Variants in KHDRBS2 observed in about 807,000 individuals in gnomAD.
KHDRBS2 encodes the protein KH RNA binding domain containing, signal transduction associated 2.
In KHDRBS2, 26 loss-of-function variants were observed where a neutral mutation model predicts 44.3. The ratio of observed to expected loss-of-function variants is 0.59; its 90% CI spans 0.43 to 0.81. The LOEUF is 0.81. Among genes scored for constraint, KHDRBS2 ranks in the 40% least tolerant of loss-of-function variants. The pLI, the probability that KHDRBS2 is intolerant of heterozygous loss-of-function variation, is 0.00. For synonymous variants in KHDRBS2, 194 were observed against 151.1 expected (o/e 1.28, Z -2.08); for missense variants, 476 against 433.1 (o/e 1.10, Z -0.88).
chr6:61,694,203 G>T (rs908945837), intron 8 of KHDRBS2, among the ~76,000 whole-genome samples: 2 of 152,118 alleles, frequency 1.3e-5, no homozygotes, highest in Non-Finnish European at 2.9e-5. Flanking sequence ...TAAGCTTCAA[G>T]AGATTGTTCA....
At chr6:61,732,527 C>G (rs964218795) in intron 7 of KHDRBS2, among the ~76,000 whole-genome samples, 155 bp downstream of exon 7, 2 of 152,124 alleles carry the variant, frequency 1.3e-5, no homozygotes, top group African/African-American at 4.8e-5. Flanking sequence ...TAGTTTAACT[C>G]TCACAGTCTG....
intron 5 of KHDRBS2, among the ~76,000 whole-genome samples, chr6:61,895,683 G>A (rs537928103): frequency 6.6e-6 from 1 of 152,140 alleles, no homozygotes; most frequent in African/African-American, 2.4e-5. Context: ...TGAAGTCTTT[G>A]GGCAAAAGAA....
At chr6:62,205,868 C>T (rs971555145) in intron 1 of KHDRBS2, among the ~76,000 whole-genome samples, 26 of 151,976 alleles carry the variant, frequency 1.7e-4, no homozygotes, top group African/African-American at 5.5e-4. Flanking sequence ...GAAATGAAAG[C>T]GAAAGAGCAG....
intron 3 of KHDRBS2, among the ~76,000 whole-genome samples, chr6:62,042,361 C>A (rs967577179): frequency 8.5e-5 from 13 of 152,100 alleles, no homozygotes; most frequent in Non-Finnish European, 1.6e-4. Context: ...GTTAGGCATT[C>A]TTTCCTTCAG....
chr6:62,195,010 T>G (rs1478812178), intron 1 of KHDRBS2, among the ~76,000 whole-genome samples: 6 of 152,108 alleles, frequency 3.9e-5, no homozygotes, highest in Non-Finnish European at 8.8e-5. Context: ...AATCTGTAGA[T>G]CAGTAAGGGA....
chr6:61,819,190 T>G (rs1789479225), intron 6 of KHDRBS2, among the ~76,000 whole-genome samples: 1 of 151,984 alleles, frequency 6.6e-6, no homozygotes, highest in Non-Finnish European at 1.5e-5. Context: ...TATAAAATGA[T>G]TTCATTCATA....
rs181062159 is a variant in KHDRBS2, at chr6:62,113,510, C to T, written c.219+63675G>A. ...ATATTGCTTTGTTTTGATCTAAACT[C>T]CCTGAGAGAAACATGGCAAGTGATG... is the stretch of plus-strand genomic sequence containing the variant. On this transcript the variant is annotated intron_variant, in intron 2 of 8. Coordinates refer to ENST00000281156, the MANE Select transcript of KHDRBS2 (RefSeq NM_152688.4). 2.5e-4 allele frequency among the ~76,000 whole-genome samples: 38 copies of T among 152,110 alleles called. No homozygotes were observed. The East Asian group carries it at 7.3e-3, about 29-fold the overall frequency.
In KHDRBS2 at chr6:61,940,060, T is replaced by G. The variant is rs928117768; in HGVS notation, c.483+38006A>C. On this transcript the variant is annotated intron_variant, in intron 4 of 8. Coordinates refer to ENST00000281156, the MANE Select transcript of KHDRBS2 (RefSeq NM_152688.4). Reference sequence around the variant, plus strand: ...CATAAGAATTCATTATTGGGAAAACTCCATTCACATATTCAAATGTATAAG... The same window carrying G: ...CATAAGAATTCATTATTGGGAAAACGCCATTCACATATTCAAATGTATAAG... Among the ~76,000 whole-genome samples the G allele has an allele frequency of 5.3e-5, 8 of 152,094 alleles. No homozygotes were observed. The East Asian group carries it at 9.6e-4, about 18-fold the overall frequency.
rs190774315 is a variant in KHDRBS2, at chr6:62,152,019, G to A, written c.219+25166C>T. 3.0e-3 allele frequency among the ~76,000 whole-genome samples: 456 copies of A among 152,116 alleles called. 1 individual carries two copies. The highest frequency in any genetic ancestry group is 4.7e-3 in the Non-Finnish European group (321 of 67,990). On this transcript the variant is annotated intron_variant, in intron 2 of 8. Transcript: ENST00000281156. ...ACCTTAGTGTTTTCATCTGCTATAC[G>A]GAAATAATAGTGCTTACTGGCTGGG... is the stretch of plus-strand genomic sequence containing the variant.
chr6:62,240,274 A>G (rs1281443709), intron 1 of KHDRBS2, among the ~76,000 whole-genome samples: 1 of 151,978 alleles, frequency 6.6e-6, no homozygotes, highest in Non-Finnish European at 1.5e-5. Context: ...TATCCCCATC[A>G]CTGTGGGTGT....
chr6:61,602,166 T>C, the KHDRBS2 span, among the ~76,000 whole-genome samples: 122,167 of 152,040 alleles, frequency 0.8, 49,528 homozygotes, highest in African/African-American at 0.9. Flanking sequence ...GGCCCTCAAA[T>C]CCCACAACAG....
chr6:61,695,075 T>C (rs541863762), intron 8 of KHDRBS2, among the ~76,000 whole-genome samples: 1 of 152,238 alleles, frequency 6.6e-6, no homozygotes, highest in East Asian at 1.9e-4. Flanking sequence ...TAGCAAGTGA[T>C]AGCATTTTGA....
chr6:62,120,726 T>C (rs751595285), intron 2 of KHDRBS2, among the ~76,000 whole-genome samples: 1 of 152,140 alleles, frequency 6.6e-6, no homozygotes, highest in Admixed American at 6.5e-5. Flanking sequence ...ATGAATAATT[T>C]AAATTATAAA....
the KHDRBS2 span, among the ~76,000 whole-genome samples, chr6:61,553,163 T>A: frequency 1.3e-5 from 2 of 152,204 alleles, no homozygotes; most frequent in Non-Finnish European, 2.9e-5. Context: ...TTTTTATTAC[T>A]GATTCAAATT....
intron 6 of KHDRBS2, among the ~76,000 whole-genome samples, chr6:61,778,629 A>C (rs886954680): frequency 6.6e-6 from 1 of 152,176 alleles, no homozygotes; most frequent in Non-Finnish European, 1.5e-5. Flanking sequence ...TACACAAAGC[A>C]CAGATGATTC....
intron 1 of KHDRBS2, among the ~76,000 whole-genome samples, chr6:62,243,130 ACAATATATGCT>A (rs1260778851): frequency 6.6e-6 from 1 of 152,190 alleles, no homozygotes; most frequent in Admixed American, 6.6e-5. Flanking sequence ...TACAATACAT[ACAATATATGCT>A]CTAGAAATAC....
intron 7 of KHDRBS2, among the ~76,000 whole-genome samples, chr6:61,726,539 A>C (rs1241918951): frequency 2.6e-5 from 4 of 152,184 alleles, no homozygotes; most frequent in African/African-American, 9.7e-5. Flanking sequence ...TCTCAGCCAA[A>C]AAGCTTCTTA....
In KHDRBS2 at chr6:61,790,488, C is replaced by G. The variant is rs183976491; in HGVS notation, c.811-57724G>C. Among the ~76,000 whole-genome samples the G allele has an allele frequency of 2.8e-3, 422 of 150,134 alleles. 1 individual carries two copies. Among genetic ancestry groups the G allele is most frequent in the Non-Finnish European group, 4.6e-3 (307 of 67,232 alleles). ...ATTCTTTAATGGCAATTCAACTTAACAAGCTCTTTACCTGGATGGTTTCAC... is the reference window on the plus strand; with the variant it reads ...ATTCTTTAATGGCAATTCAACTTAAGAAGCTCTTTACCTGGATGGTTTCAC... On this transcript the variant is annotated intron_variant, in intron 6 of 8. Transcript: ENST00000281156.
chr6:62,164,011 A>T (rs1198577237), intron 2 of KHDRBS2, among the ~76,000 whole-genome samples: 1 of 151,940 alleles, frequency 6.6e-6, no homozygotes, highest in Non-Finnish European at 1.5e-5. Context: ...TCTACTCATA[A>T]ACCAGAAATA....
Sources: gnomAD v4.1 joint callset for allele counts (sites outside exome capture counted in the v4.1 genomes callset) on GRCh38, gnomAD v4.1.1 for gene constraint, MANE v1.5 for transcripts, NCBI Gene and HGNC (gene_info 2026-07-23, HGNC 2026-07-21) for gene names.